The following TNFRSF1B variants were observed in gnomAD, a reference collection of about 807,000 sequenced individuals.
TNFRSF1B encodes TNF receptor superfamily member 1B, also known as tumor necrosis factor receptor superfamily member 1B.
Under a neutral mutation model 44.6 loss-of-function variants are expected in TNFRSF1B, and 19 were observed. That is an observed-to-expected ratio of 0.43 (90% CI 0.30 to 0.62). The LOEUF is 0.62. Among genes scored for constraint, TNFRSF1B ranks in the 20% least tolerant of loss-of-function variants. TNFRSF1B has a pLI of 0.16. For synonymous variants in TNFRSF1B, 252 were observed against 261.1 expected, an observed-to-expected ratio of 0.97 and a Z score of 0.34; for missense variants, 541 against 619.9, an observed-to-expected ratio of 0.87 and a Z score of 1.35.
intron 1 of TNFRSF1B, among the ~76,000 whole-genome samples, chr1:12,182,907 C>T (rs980067490): frequency 6.6e-6 from 1 of 152,142 alleles, no homozygotes; most frequent in Non-Finnish European, 1.5e-5. Flanking sequence ...GCTTTGGGGC[C>T]CTTGGAGTCC....
chr1:12,183,768 G>GCTAGCTAT (rs1378207157), intron 1 of TNFRSF1B, among the ~76,000 whole-genome samples: 15 of 117,430 alleles, frequency 1.3e-4, no homozygotes, highest in African/African-American at 4.6e-4. Flanking sequence ...TAGCTAGCTA[G>GCTAGCTAT]CTATCTATTC....
intron 1 of TNFRSF1B, among the ~76,000 whole-genome samples, chr1:12,182,395 G>T (rs1401634151): frequency 1.3e-5 from 2 of 152,158 alleles, no homozygotes; most frequent in Non-Finnish European, 2.9e-5. Flanking sequence ...CCCCGGCCCC[G>T]CACCTTGTGT....
In TNFRSF1B at chr1:12,208,266, G is replaced by A. The variant is rs1403131186; in HGVS notation, c.*1246G>A. ...AACTAGAGATGACTGAGTCCTCGTA[G>A]CCATCTCTCTACTCCTACCTCAGCC... On this transcript the variant is annotated 3_prime_UTR_variant, in exon 10 of 10. Transcript: ENST00000376259. 6.5e-6 allele frequency: 1 copy of A among 152,794 alleles called. No individual in the cohort carries two copies. Among genetic ancestry groups the A allele is most frequent in the Admixed American group, 6.5e-5 (1 of 15,278 alleles). 9.5% of individuals were successfully genotyped at this position (152,794 alleles called of 1,614,324 possible). A position where few individuals can be genotyped will look rare whatever the true frequency, so the allele number is the denominator to read the frequency against.
At chr1:12,193,513 C>T (rs535855063) in intron 6 of TNFRSF1B, among the ~76,000 whole-genome samples, 1 of 152,302 alleles carries the variant, frequency 6.6e-6, no homozygotes, top group East Asian at 1.9e-4. Flanking sequence ...TTTGAGGCTG[C>T]ATTGAGCTCT....
chr1:12,191,962 G>T, intron 4 of TNFRSF1B, 39 bp downstream of exon 4: 2 of 1,592,618 alleles, frequency 1.3e-6, no homozygotes. Flanking sequence ...ACGCCCATGG[G>T]CCTCTCCTTT....
At chr1:12,185,878 C>T (rs916105926) in intron 1 of TNFRSF1B, among the ~76,000 whole-genome samples, 7 of 152,142 alleles carry the variant, frequency 4.6e-5, no homozygotes, top group African/African-American at 9.7e-5. Context: ...TCCCATCTAG[C>T]GAGGGGCCCA....
At chr1:12,175,522 C>T (rs1638635828) in intron 1 of TNFRSF1B, among the ~76,000 whole-genome samples, 1 of 152,086 alleles carries the variant, frequency 6.6e-6, no homozygotes, top group Non-Finnish European at 1.5e-5. Context: ...CCTGCTGGCC[C>T]CTCCTCTCGC....
chr1:12,195,448 C>T (rs1380983942), intron 8 of TNFRSF1B, among the ~76,000 whole-genome samples: 1 of 152,184 alleles, frequency 6.6e-6, no homozygotes, highest in Non-Finnish European at 1.5e-5. Flanking sequence ...GACTTTTGTT[C>T]TCTTGTTTGT....
Position 12,190,458 on chromosome 1 carries a change from C to CAAAAAAAA in TNFRSF1B, c.179-484_179-477dup, listed in dbSNP as rs4044499. ...TGGGCCACAGAGTGAGATTCTGTCT[C>CAAAAAAAA]AAAAAAAAAAAAAAAAAAAAAAGCA... On this transcript the variant is annotated intron_variant, in intron 2 of 9. Coordinates refer to ENST00000376259, the MANE Select transcript of TNFRSF1B (RefSeq NM_001066.3). Among the ~76,000 whole-genome samples, 170 of 61,516 alleles carry CAAAAAAAA rather than the reference C, an allele frequency of 2.8e-3. 4 individuals carry two copies. The highest frequency in any genetic ancestry group is 4.3e-3 in the Non-Finnish European group (147 of 34,090). 40.4% of individuals were successfully genotyped at this position (61,516 alleles called of 152,430 possible). A position where few individuals can be genotyped will look rare whatever the true frequency, so the allele number is the denominator to read the frequency against.
rs112914333 is a variant in TNFRSF1B at position 12,202,123 on chromosome 1, G to C, written c.1057G>C (p.Val353Leu). 5.8e-6 allele frequency: 9 copies of C among 1,563,494 alleles called. No individual in the cohort carries two copies. The South Asian group carries it at 1.1e-4, about 18-fold the overall frequency. ...TCGGAACCAGCCACAGGCACCAGGC[G>C]TGGAGGCCAGTGGGGCCGGGGAGGC... ...PTRNQPQAPG[V>L]EASGAGEARA... Residue 353 changes from valine to leucine, a missense_variant, in exon 9 of 10, where the codon GTG becomes CTG. Val to Leu is a conservative substitution (Grantham distance 32, BLOSUM62 1). Transcript: ENST00000376259.
At chr1:12,183,831 CTAT>C (rs1638911249) in intron 1 of TNFRSF1B, among the ~76,000 whole-genome samples, 2 of 148,770 alleles carry the variant, frequency 1.3e-5, no homozygotes, top group African/African-American at 4.9e-5. Context: ...ATCTACCTAT[CTAT>C]CTATCTATCT....
At position 12,199,248 on chromosome 1, in the gene TNFRSF1B, C is replaced by T. The variant is rs1001128884; in HGVS notation, c.901-2719C>T. ...TGTGAGGAGTGACAATTGGCTGCTT[C>T]TCCTCCCCTTCCAGGCTCAGAGCAG... On this transcript the variant is annotated intron_variant, in intron 8 of 9. Coordinates refer to ENST00000376259, the MANE Select transcript of TNFRSF1B (RefSeq NM_001066.3). The surrounding 1 kb of genome is among the most constrained non-coding windows in gnomAD (Gnocchi z 4.0). Among the ~76,000 whole-genome samples the T allele has an allele frequency of 6.6e-6, 1 of 152,236 alleles. No homozygotes were observed. Among genetic ancestry groups the T allele is most frequent in the African/African-American group, 2.4e-5 (1 of 41,446 alleles).
chr1:12,167,360 C>T (rs1638416173), intron 1 of TNFRSF1B, 191 bp downstream of exon 1: 1 of 406,520 alleles, frequency 2.5e-6, no homozygotes, highest in African/African-American at 2.1e-5. Context: ...ACTCCGGGCC[C>T]GGCACACGTG....
chr1:12,167,059 A>T lies in TNFRSF1B; in HGVS notation c.-33A>T, dbSNP rs1157008559. 7.9e-7 allele frequency: 1 copy of T among 1,268,818 alleles called. No individual in the cohort carries two copies. Among genetic ancestry groups the T allele is most frequent in the Non-Finnish European group, 9.9e-7 (1 of 1,005,850 alleles). 78.6% of individuals were successfully genotyped at this position (1,268,818 alleles called of 1,614,324 possible). On this transcript the variant is annotated 5_prime_UTR_variant, in exon 1 of 10. Transcript: ENST00000376259. ...TGGGCTGCGAGGGCGCGAGGGCGCG[A>T]GGGCAGGGGGCAACCGGACCCCGCC...
At position 12,169,990 on chromosome 1, in the gene TNFRSF1B, G is replaced by C. The variant is rs549554111; in HGVS notation, c.78+2821G>C. 6.6e-6 allele frequency among the ~76,000 whole-genome samples: 1 copy of C among 152,334 alleles called. No homozygotes were observed. Among genetic ancestry groups the C allele is most frequent in the East Asian group, 1.9e-4 (1 of 5,172 alleles). On this transcript the variant is annotated intron_variant, in intron 1 of 9. Coordinates refer to ENST00000376259, the MANE Select transcript of TNFRSF1B (RefSeq NM_001066.3). The surrounding 1 kb of genome is among the most constrained non-coding windows in gnomAD (Gnocchi z 4.5). Reference sequence around the variant, plus strand: ...GGCTCCCAGGCTGGATGTCAAAGAGGAGTTGGGTGATCTGGGGTACCTGCT... The same window carrying C: ...GGCTCCCAGGCTGGATGTCAAAGAGCAGTTGGGTGATCTGGGGTACCTGCT...
Position 12,174,155 on chromosome 1 carries a change from CT to C in TNFRSF1B, c.78+6988del, listed in dbSNP as rs1638589600. 4.6e-3 allele frequency among the ~76,000 whole-genome samples: 460 copies of C among 100,122 alleles called. 7 individuals are homozygous for C. Among genetic ancestry groups the C allele is most frequent in the Middle Eastern group, 0.015 (3 of 194 alleles). The allele number at this position is 100,122 out of a possible 152,430, so 65.7% of individuals were successfully genotyped here. On this transcript the variant is annotated intron_variant, in intron 1 of 9. Coordinates refer to ENST00000376259, the MANE Select transcript of TNFRSF1B (RefSeq NM_001066.3). Reference sequence around the variant, plus strand: ...TCTTCTTCTTCTTCTTCTTCTTCTTCTTCTTCTTCTCCTTCTCCTTCTCCTT... The same window carrying C: ...TCTTCTTCTTCTTCTTCTTCTTCTTCTCTTCTTCTCCTTCTCCTTCTCCTT...
intron 8 of TNFRSF1B, among the ~76,000 whole-genome samples, chr1:12,198,691 GTTTT>G (rs60313758): frequency 1.2e-5 from 1 of 85,652 alleles, no homozygotes; most frequent in Non-Finnish European, 2.2e-5. Context: ...CTGGAATTCT[GTTTT>G]TTTTTTTTTT....
chr1:12,177,313 G>A lies in TNFRSF1B; in HGVS notation c.78+10144G>A, dbSNP rs17882727. 3.6e-3 allele frequency among the ~76,000 whole-genome samples: 542 copies of A among 152,230 alleles called. 6 individuals carry two copies. The highest frequency in any genetic ancestry group is 0.013 in the African/African-American group (521 of 41,544). The stretch of plus-strand genomic sequence containing the variant: ...GGAGCCACCGTGCCCGGCCCCAGTG[G>A]ACTGATTCTGGTCAGTGTCAACCCC... On this transcript the variant is annotated intron_variant, in intron 1 of 9. Coordinates refer to ENST00000376259, the MANE Select transcript of TNFRSF1B (RefSeq NM_001066.3). This position sits in a 1 kb window ranked among gnomAD's most constrained non-coding sequence, Gnocchi z 4.3.
At chr1:12,185,442 C>T (rs1447344939) in intron 1 of TNFRSF1B, among the ~76,000 whole-genome samples, 1 of 152,134 alleles carries the variant, frequency 6.6e-6, no homozygotes, top group Non-Finnish European at 1.5e-5. Context: ...TGAGCTCCCC[C>T]CACACTGTGT....
Sources: gnomAD v4.1 joint callset for allele counts (sites outside exome capture counted in the v4.1 genomes callset) on GRCh38, gnomAD v4.1.1 for gene constraint, Gnocchi (gnomAD v3.1) non-coding constraint, MANE v1.5 for transcripts, NCBI Gene and HGNC (gene_info 2026-07-23, HGNC 2026-07-21) for gene names.